Variants in SLC6A5 observed in about 807,000 individuals in gnomAD.
SLC6A5 encodes solute carrier family 6 member 5, also known as sodium- and chloride-dependent glycine transporter 2.
A neutral mutation model predicts 90.5 loss-of-function variants in SLC6A5; 58 were observed. The observed-to-expected ratio is 0.64, with a 90% confidence interval of 0.52 to 0.80. The LOEUF is 0.80. SLC6A5 is among the 30% of genes least tolerant of loss of function. The pLI is 0.00. For synonymous variants in SLC6A5, 427 were observed against 401.4 expected, an observed-to-expected ratio of 1.06 and a Z score of -0.76; for missense variants, 1,015 against 1,017.6, an observed-to-expected ratio of 1.00 and a Z score of 0.03.
chr11:20,620,230 A>G (rs1167635198), intron 7 of SLC6A5, among the ~76,000 whole-genome samples: 1 of 152,148 alleles, frequency 6.6e-6, no homozygotes, highest in East Asian at 1.9e-4. Flanking sequence ...GTGATAGGTG[A>G]GGAGGGTGAG....
At chr11:20,637,344 A>C in intron 12 of SLC6A5, 41 bp downstream of exon 12, 15 of 724,390 alleles carry the variant, frequency 2.1e-5, no homozygotes, top group Non-Finnish European at 3.2e-5. Flanking sequence ...TGGGGGCAGG[A>C]GGGTGGGGGG....
intron 3 of SLC6A5, among the ~76,000 whole-genome samples, chr11:20,606,606 G>T (rs1212699672): frequency 6.6e-6 from 1 of 152,082 alleles, no homozygotes; most frequent in Non-Finnish European, 1.5e-5. Flanking sequence ...GGTCCTGGGA[G>T]GGCTGAGGCT....
In SLC6A5 at chr11:20,607,104, A is replaced by G. The variant is rs34505618; in HGVS notation, c.777A>G (p.Pro259=). Residue 259 remains proline, a synonymous_variant, in exon 4 of 16, where the codon CCA becomes CCG. Transcript: ENST00000525748. ...TGGGCCAGTTTGCCAGCCAGGGACC[A>G]GTGTCTGTGTGGAAGGCCATCCCAG... The part of the protein sequence containing the change: ...VSLGQFASQG[P]VSVWKAIPAL... The G allele has an allele frequency of 0.035, 56,480 of 1,613,948 alleles. 1,243 individuals carry two copies. The highest frequency in any genetic ancestry group is 0.042 in the South Asian group (3,780 of 91,066).
rs777354947 is a variant in SLC6A5 at position 20,601,588 on chromosome 11, A to G, written c.463A>G (p.Ser155Gly). 59 of 1,613,964 alleles carry G rather than the reference A, an allele frequency of 3.7e-5. No homozygotes were observed. Among genetic ancestry groups the G allele is most frequent in the Non-Finnish European group, 4.7e-5 (56 of 1,179,972 alleles). The change falls in exon 2 of 16, where the codon AGC becomes GGC. Residue 155 changes from serine to glycine, a missense_variant. Transcript: ENST00000525748. The part of the protein sequence containing the change: ...NTPVVGWVNM[S>G]QSTVVLATDG... ...CCCTGTTGTGGGCTGGGTGAACATG[A>G]GCCAGAGCACCGTGGTGCTGGCCAC...
intron 10 of SLC6A5, among the ~76,000 whole-genome samples, chr11:20,632,923 G>C (rs988402983): frequency 6.6e-6 from 1 of 152,176 alleles, no homozygotes; most frequent in Non-Finnish European, 1.5e-5. Context: ...CCTTCTAAAA[G>C]AGGCATTTCT....
chr11:20,609,193 A>G (rs932298049), intron 5 of SLC6A5, among the ~76,000 whole-genome samples: 5 of 152,086 alleles, frequency 3.3e-5, no homozygotes, highest in African/African-American at 1.2e-4. Flanking sequence ...CAAGGAGACA[A>G]TGTACATTTT....
chr11:20,602,150 A>G (rs1223536318), intron 2 of SLC6A5, among the ~76,000 whole-genome samples: 1 of 152,234 alleles, frequency 6.6e-6, no homozygotes, highest in Non-Finnish European at 1.5e-5. Flanking sequence ...CCTTTATTAC[A>G]TGAGAACTCA....
At chr11:20,622,955 G>A (rs142290127) in intron 7 of SLC6A5, among the ~76,000 whole-genome samples, 242 of 152,294 alleles carry the variant, frequency 1.6e-3, no homozygotes, top group African/African-American at 5.6e-3. Context: ...CAGCTGTGAG[G>A]CCAGCCCTGA....
At chr11:20,604,866 G>A (rs1342495308) in intron 3 of SLC6A5, among the ~76,000 whole-genome samples, 1 of 152,146 alleles carries the variant, frequency 6.6e-6, no homozygotes, top group Non-Finnish European at 1.5e-5. Flanking sequence ...GAGGTGAGGG[G>A]GAAGGGGTTG....
At chr11:20,653,769 G>A (rs1003156710) in intron 15 of SLC6A5, among the ~76,000 whole-genome samples, 1 of 152,150 alleles carries the variant, frequency 6.6e-6, no homozygotes, top group Non-Finnish European at 1.5e-5. Context: ...CCGCACATAA[G>A]CCTCCCCACC....
rs1852798791 is a variant in SLC6A5 at position 20,617,211 on chromosome 11, C to T, written c.1128-541C>T. Among the ~76,000 whole-genome samples the T allele has an allele frequency of 2.0e-5, 3 of 152,334 alleles. No homozygotes were observed. In the South Asian group the frequency reaches 6.2e-4, roughly 32 times the overall value. On this transcript the variant is annotated intron_variant, in intron 6 of 15. Coordinates refer to ENST00000525748, the MANE Select transcript of SLC6A5 (RefSeq NM_004211.5). ...CTTGAGCAAGGTCTAGGCAGCCCTG[C>T]TTTTATAATTAAGCCAACCTCCGCC...
chr11:20,600,411 G>GCC (rs2133766778), intron 1 of SLC6A5, among the ~76,000 whole-genome samples: 1 of 140,446 alleles, frequency 7.1e-6, no homozygotes, highest in Admixed American at 7.1e-5. Flanking sequence ...AGAAGAAGAA[G>GCC]ACCTAAACAA....
rs1853034705 is a variant in SLC6A5, at chr11:20,628,040, A to C, written c.1456A>C (p.Ile486Leu). The C allele has an allele frequency of 6.2e-7, 1 of 1,614,132 alleles. No individual in the cohort carries two copies. Among genetic ancestry groups the C allele is most frequent in the Non-Finnish European group, 8.5e-7 (1 of 1,180,014 alleles). Reference sequence around the variant, plus strand: ...TTTATCTGCTGCATGGGGAGGCCTGATCACTCTCTCTTCTTACAACAAATT... The same window carrying C: ...TTTATCTGCTGCATGGGGAGGCCTGCTCACTCTCTCTTCTTACAACAAATT... ...FSLSAAWGGLITLSSYNKFHN... is the reference protein window; with the variant it reads ...FSLSAAWGGLLTLSSYNKFHN... The change falls in exon 9 of 16, where the codon ATC becomes CTC. Residue 486 changes from isoleucine (I) to leucine (L), a missense_variant. Physicochemically the swap from Ile to Leu is conservative, Grantham distance 5. This residue lies in a region of SLC6A5 where 442 missense variants were observed against 494.3 expected (regional missense o/e 0.89). Transcript: ENST00000525748.
chr11:20,601,569 T>G lies in SLC6A5; in HGVS notation c.444T>G (p.Val148=). Residue 148 remains valine (V), a synonymous_variant, in exon 2 of 16, where the codon GTT becomes GTG. Coordinates refer to ENST00000525748, the MANE Select transcript of SLC6A5 (RefSeq NM_004211.5). ...CCCTGGAGCGGAACAATACCCCTGT[T>G]GTGGGCTGGGTGAACATGAGCCAGA... is the stretch of plus-strand genomic sequence containing the variant. ...KGTLERNNTP[V]VGWVNMSQST... 1 of 1,614,130 alleles carries G rather than the reference T, an allele frequency of 6.2e-7. No homozygotes were observed. Among genetic ancestry groups the G allele is most frequent in the Non-Finnish European group, 8.5e-7 (1 of 1,179,988 alleles).
At chr11:20,600,199 G>A (rs925104572) in intron 1 of SLC6A5, among the ~76,000 whole-genome samples, 2 of 152,088 alleles carry the variant, frequency 1.3e-5, no homozygotes, top group Admixed American at 6.5e-5. Context: ...AAAAACCACC[G>A]CTGGCAGTTC....
intron 7 of SLC6A5, among the ~76,000 whole-genome samples, chr11:20,625,112 C>G (rs1852967461): frequency 6.6e-6 from 1 of 152,014 alleles, no homozygotes; most frequent in African/African-American, 2.4e-5. Flanking sequence ...AGCCTGAGCT[C>G]TCACACTGCT....
intron 10 of SLC6A5, among the ~76,000 whole-genome samples, chr11:20,634,997 T>C (rs545661484): frequency 6.6e-6 from 1 of 152,184 alleles, no homozygotes; most frequent in African/African-American, 2.4e-5. Flanking sequence ...AGTGAGACCG[T>C]GAGGCAGGGA....
In SLC6A5 at chr11:20,607,529, A is replaced by G; in HGVS notation, c.862A>G (p.Asn288Asp). Residue 288 changes from asparagine to aspartate, a missense_variant, in exon 5 of 16, where the codon AAT becomes GAT. Coordinates refer to ENST00000525748, the MANE Select transcript of SLC6A5 (RefSeq NM_004211.5). ...CTCTGTCCTAATAGCCATATACTAC[A>G]ATGTGATTATTTGCTATACACTTTT... ...IISVLIAIYYNVIICYTLFYL... is the reference protein window; with the variant it reads ...IISVLIAIYYDVIICYTLFYL... 1.9e-6 allele frequency: 3 copies of G among 1,614,130 alleles called. No individual in the cohort carries two copies. The highest frequency in any genetic ancestry group is 2.5e-6 in the Non-Finnish European group (3 of 1,180,008).
chr11:20,629,932 A>G (rs1445151010), intron 9 of SLC6A5, among the ~76,000 whole-genome samples: 2 of 151,928 alleles, frequency 1.3e-5, no homozygotes, highest in Admixed American at 1.3e-4. Context: ...CATGTTGGTG[A>G]GGCTGGTCTC....
Sources: gnomAD v4.1 joint callset for allele counts (sites outside exome capture counted in the v4.1 genomes callset) on GRCh38, gnomAD v4.1.1 for gene constraint, gnomAD v4.1.1 regional missense constraint, MANE v1.5 for transcripts, NCBI Gene and HGNC (gene_info 2026-07-23, HGNC 2026-07-21) for gene names.